The following M1AP variants were observed in gnomAD, a reference collection of about 807,000 sequenced individuals.
M1AP encodes the protein meiosis 1 arrest protein.
In M1AP, 39 loss-of-function variants were observed where a neutral mutation model predicts 51.2. That is an observed-to-expected ratio of 0.76 (90% confidence interval 0.59 to 1.00). The LOEUF is 1.00. M1AP is among the 50% of genes least tolerant of loss of function. The pLI is 0.00. For synonymous variants in M1AP, 251 were observed against 249.2 expected (o/e 1.01, Z -0.07); for missense variants, 545 against 641.2 (o/e 0.85, Z 1.62).
chr2:74,578,139 T>C (rs560770709), intron 5 of M1AP, among the ~76,000 whole-genome samples: 22 of 152,242 alleles, frequency 1.4e-4, no homozygotes, highest in African/African-American at 4.3e-4. Context: ...CTCCTGCTGA[T>C]CCAGTTCCTA....
At chr2:74,601,405 A>G (rs1680667565) in intron 4 of M1AP, among the ~76,000 whole-genome samples, 2 of 152,224 alleles carry the variant, frequency 1.3e-5, no homozygotes, top group African/African-American at 2.4e-5. Flanking sequence ...TATTACATGT[A>G]TATCAGTATA....
At chr2:74,628,008 T>A (rs1682498239) in intron 2 of M1AP, among the ~76,000 whole-genome samples, 1 of 152,164 alleles carries the variant, frequency 6.6e-6, no homozygotes, top group Non-Finnish European at 1.5e-5. Context: ...CCATTTTATA[T>A]ATATAAATAA....
At chr2:74,584,852 A>AT (rs1314101054) in intron 4 of M1AP, among the ~76,000 whole-genome samples, 1 of 145,328 alleles carries the variant, frequency 6.9e-6, no homozygotes, top group Non-Finnish European at 1.5e-5. Flanking sequence ...TTTTTATTTT[A>AT]TTTTTTTTGA....
intron 3 of M1AP, among the ~76,000 whole-genome samples, chr2:74,613,829 C>T (rs1681505710): frequency 6.6e-6 from 1 of 152,222 alleles, no homozygotes; most frequent in African/African-American, 2.4e-5. Context: ...GGAGGTAAAA[C>T]TCACAAAAGT....
intron 4 of M1AP, among the ~76,000 whole-genome samples, chr2:74,599,107 G>A (rs1396495408): frequency 6.6e-6 from 1 of 151,974 alleles, no homozygotes; most frequent in Non-Finnish European, 1.5e-5. Context: ...GTGAAACCCT[G>A]TCTCTACTAA....
At chr2:74,564,563 G>A (rs761512348) in intron 7 of M1AP, among the ~76,000 whole-genome samples, 9 of 152,196 alleles carry the variant, frequency 5.9e-5, no homozygotes, top group Non-Finnish European at 1.0e-4. Flanking sequence ...AGCTTTATGC[G>A]TGCCTTCAGA....
Position 74,648,273 on chromosome 2 carries a change from G to C in M1AP, c.-61C>G. The C allele has an allele frequency of 1.0e-6, 1 of 985,312 alleles. No individual in the cohort carries two copies. Among genetic ancestry groups the C allele is most frequent in the Non-Finnish European group, 1.2e-6 (1 of 829,794 alleles). The allele number at this position is 985,312 out of a possible 1,614,324, so 61.0% of individuals were successfully genotyped here. On this transcript the variant is annotated 5_prime_UTR_variant, in exon 1 of 11. Transcript: ENST00000421985. ...GGCGTGGAGAACCGTACCTGTCTTC[G>C]GAAGACGGAGGCCCCCTCACCTGGT...
intron 7 of M1AP, among the ~76,000 whole-genome samples, chr2:74,565,453 T>A (rs1038588087): frequency 6.6e-6 from 1 of 152,190 alleles, no homozygotes; most frequent in Admixed American, 6.5e-5. Context: ...GCTGGTTTAA[T>A]ACCCTCAAAT....
intron 7 of M1AP, among the ~76,000 whole-genome samples, chr2:74,573,984 G>T (rs1335215000): frequency 6.6e-6 from 1 of 152,180 alleles, no homozygotes; most frequent in East Asian, 1.9e-4. Flanking sequence ...GAGCTGTTGG[G>T]CACTAACAGT....
At chr2:74,563,552 T>C (rs1678171575) in intron 7 of M1AP, among the ~76,000 whole-genome samples, 1 of 149,574 alleles carries the variant, frequency 6.7e-6, no homozygotes, top group Admixed American at 6.7e-5. Context: ...TGAGCTGAGA[T>C]TGCACCATTG....
At chr2:74,605,761 C>T (rs1414961814) in intron 4 of M1AP, among the ~76,000 whole-genome samples, 5 of 152,006 alleles carry the variant, frequency 3.3e-5, no homozygotes, top group Non-Finnish European at 2.9e-5. Flanking sequence ...ATTAGCTGGG[C>T]TTGGTGGCGG....
chr2:74,561,088 GAGA>G lies in M1AP; in HGVS notation c.1282-800_1282-798del, dbSNP rs1446553772. Among the ~76,000 whole-genome samples the G allele has an allele frequency of 7.1e-4, 75 of 105,400 alleles. 2 individuals are homozygous for G. Among genetic ancestry groups the G allele is most frequent in the African/African-American group, 2.4e-3 (57 of 23,432 alleles). The allele number at this position is 105,400 out of a possible 152,430, so 69.1% of individuals were successfully genotyped here. A position where few individuals can be genotyped will look rare whatever the true frequency, so the allele number is the denominator to read the frequency against. On this transcript the variant is annotated intron_variant, in intron 8 of 10. Transcript: ENST00000421985. The stretch of plus-strand genomic sequence containing the variant: ...GGAGGAGGAGGAGGAGGAGGAGGAG[GAGA>G]AGGAGAAGGAGGAGGAGGAGAAGGA...
chr2:74,589,763 G>A (rs1255196997), intron 4 of M1AP, among the ~76,000 whole-genome samples: 1 of 152,196 alleles, frequency 6.6e-6, no homozygotes, highest in African/African-American at 2.4e-5. Context: ...GTTAGCAGTT[G>A]TCCATTCACC....
At chr2:74,581,989 C>T in intron 4 of M1AP, 142 bp from the exon 5 acceptor site, 1 of 684,922 alleles carries the variant, frequency 1.5e-6, no homozygotes, top group Non-Finnish European at 2.4e-6. Context: ...TATTCACATG[C>T]ACAATCATTG....
At chr2:74,642,385 T>C (rs1173613714) in intron 1 of M1AP, among the ~76,000 whole-genome samples, 1 of 151,798 alleles carries the variant, frequency 6.6e-6, no homozygotes, top group Admixed American at 6.6e-5. Flanking sequence ...ATGAGAAAAA[T>C]GATATGATCA....
chr2:74,635,966 G>C (rs960206121), intron 2 of M1AP, among the ~76,000 whole-genome samples: 5 of 152,002 alleles, frequency 3.3e-5, no homozygotes, highest in South Asian at 4.2e-4. Flanking sequence ...CTTGTTGTTA[G>C]GTGGAGTATT....
chr2:74,647,105 C>T (rs1259799751), intron 1 of M1AP, among the ~76,000 whole-genome samples: 1 of 152,166 alleles, frequency 6.6e-6, no homozygotes, highest in African/African-American at 2.4e-5. Context: ...TTGAACCACT[C>T]CAAACCACCA....
chr2:74,626,257 GTTTTTTT>G (rs1337799000), intron 2 of M1AP, among the ~76,000 whole-genome samples: 3 of 125,932 alleles, frequency 2.4e-5, no homozygotes, highest in Non-Finnish European at 5.1e-5. Context: ...CTATATTTCA[GTTTTTTT>G]TTTTTTTTTT....
At chr2:74,607,605 C>T (rs545950405) in intron 3 of M1AP, among the ~76,000 whole-genome samples, 1 of 152,308 alleles carries the variant, frequency 6.6e-6, no homozygotes, top group African/African-American at 2.4e-5. Flanking sequence ...TCCTGGATAG[C>T]TGGGATTACA....
Sources: allele counts gnomAD v4.1 joint callset (sites outside exome capture counted in the v4.1 genomes callset), GRCh38; gene constraint gnomAD v4.1.1; transcripts MANE v1.5; gene names NCBI Gene and HGNC (gene_info 2026-07-23, HGNC 2026-07-21).